The following MGAT4C variants were observed in gnomAD, a reference collection of about 807,000 sequenced individuals.
The protein encoded by MGAT4C is MGAT4 family member C, also known as alpha-1,3-mannosyl-glycoprotein 4-beta-N-acetylglucosaminyltransferase C.
MGAT4C carries 19 observed loss-of-function variants against 40.1 expected under a neutral mutation model. The ratio of observed to expected loss-of-function variants is 0.47; its 90% CI spans 0.33 to 0.70. MGAT4C has a LOEUF of 0.70. Among genes scored for constraint, MGAT4C ranks in the 30% least tolerant of loss-of-function variants. MGAT4C has a pLI of 0.02. For missense variants in MGAT4C, 491 were observed against 563.2 expected (o/e 0.87, Z 1.30); for synonymous variants, 181 against 187.1 (o/e 0.97, Z 0.27).
At chr12:86,015,643 A>T (rs1301421891) in intron 2 of MGAT4C, 1 of 152,212 alleles carries the variant, frequency 6.6e-6, no homozygotes, top group African/African-American at 2.4e-5. Flanking sequence ...AGAAATAGAA[A>T]TCCTTAGCAG....
chr12:86,212,374 G>A (rs1012313855), intron 1 of MGAT4C, among the ~76,000 whole-genome samples: 4 of 152,064 alleles, frequency 2.6e-5, no homozygotes, highest in Non-Finnish European at 4.4e-5. Context: ...TTTAAAATAA[G>A]TATAGTAATT....
At chr12:86,280,691 T>G (rs1953196058) in intron 4 of MGAT4C, among the ~76,000 whole-genome samples, 1 of 142,046 alleles carries the variant, frequency 7.0e-6, no homozygotes, top group South Asian at 2.3e-4. Context: ...CATTTTGAAT[T>G]TCTATCCTTT....
rs1955025814 is a variant in MGAT4C at position 86,346,063 on chromosome 12, T to C, written c.-119-11936A>G. On this transcript the variant is annotated intron_variant, in intron 3 of 7. Coordinates refer to the MGAT4C transcript ENST00000548651. ...AATAGCAAAAAGGGATTTTAGTGGT[T>C]AATTTTACTTCCAAATTTCAACCAA... Among the ~76,000 whole-genome samples, 5 of 152,292 alleles carry C rather than the reference T, an allele frequency of 3.3e-5. No homozygotes were observed. In the South Asian group the frequency reaches 1.0e-3, roughly 32 times the overall value.
intron 4 of MGAT4C, among the ~76,000 whole-genome samples, chr12:86,272,463 A>G (rs544685583): frequency 2.0e-4 from 30 of 152,316 alleles, no homozygotes; most frequent in African/African-American, 7.0e-4. Flanking sequence ...TAAGATTTGT[A>G]TTATTTTAAA....
At chr12:86,579,766 G>A (rs1372628086) in intron 2 of MGAT4C, among the ~76,000 whole-genome samples, 1 of 151,488 alleles carries the variant, frequency 6.6e-6, no homozygotes, top group Admixed American at 6.6e-5. Context: ...AGGTTTGTTT[G>A]TCTGGGGAAG....
At chr12:86,544,749 A>ATAGGAT (rs1204915399) in intron 2 of MGAT4C, among the ~76,000 whole-genome samples, 1 of 152,134 alleles carries the variant, frequency 6.6e-6, no homozygotes, top group African/African-American at 2.4e-5. Context: ...AAGACATAGC[A>ATAGGAT]TAGGATTAAA....
intron 4 of MGAT4C, among the ~76,000 whole-genome samples, chr12:86,303,440 G>A (rs1953861112): frequency 1.3e-5 from 2 of 150,206 alleles, no homozygotes; most frequent in South Asian, 4.1e-4. Flanking sequence ...TCTTATAGTA[G>A]AGTTCCATTC....
chr12:86,344,752 G>A (rs866966256), intron 3 of MGAT4C, among the ~76,000 whole-genome samples: 87 of 120,874 alleles, frequency 7.2e-4, no homozygotes, highest in Middle Eastern at 5.3e-3. Flanking sequence ...GTGTGTGTGT[G>A]TGTATGTGTG....
At chr12:86,353,989 CAAG>C (rs1426292947) in intron 3 of MGAT4C, among the ~76,000 whole-genome samples, 1 of 152,106 alleles carries the variant, frequency 6.6e-6, no homozygotes, top group East Asian at 1.9e-4. Context: ...AAAATCTGTA[CAAG>C]GAGTATACGG....
intron 1 of MGAT4C, among the ~76,000 whole-genome samples, chr12:86,812,839 C>T (rs1408028774): frequency 6.6e-6 from 1 of 151,976 alleles, no homozygotes; most frequent in African/African-American, 2.4e-5. Flanking sequence ...AAATATCAGG[C>T]CTAAATGGGA....
chr12:86,809,378 GTTTT>G (rs1240922694), intron 1 of MGAT4C, among the ~76,000 whole-genome samples: 1 of 151,902 alleles, frequency 6.6e-6, no homozygotes, highest in Non-Finnish European at 1.5e-5. Context: ...TTTTGTTCAA[GTTTT>G]TTTGAGAAGA....
intron 2 of MGAT4C, among the ~76,000 whole-genome samples, chr12:86,704,844 C>T (rs947569339): frequency 6.6e-6 from 1 of 152,166 alleles, no homozygotes; most frequent in Non-Finnish European, 1.5e-5. Flanking sequence ...AAGATACACA[C>T]ACCTGCAATG....
chr12:86,163,083 A>C (rs1885778335), intron 1 of MGAT4C, among the ~76,000 whole-genome samples: 2 of 152,180 alleles, frequency 1.3e-5, no homozygotes, highest in Non-Finnish European at 2.9e-5. Context: ...TACTCTGCAG[A>C]GCCTTCTGTG....
chr12:86,383,549 C>CAAAA (rs1159593477), intron 3 of MGAT4C, among the ~76,000 whole-genome samples: 7 of 49,834 alleles, frequency 1.4e-4, no homozygotes, highest in East Asian at 8.9e-4. Context: ...CACTTCGTCT[C>CAAAA]AAAAAAAAAA....
intron 1 of MGAT4C, among the ~76,000 whole-genome samples, chr12:86,159,807 T>C (rs1885393328): frequency 6.6e-6 from 1 of 152,068 alleles, no homozygotes; most frequent in African/African-American, 2.4e-5. Flanking sequence ...ATATTCTAAT[T>C]TATGTGCATA....
At chr12:86,404,018 CTG>C (rs1319795446) in intron 3 of MGAT4C, among the ~76,000 whole-genome samples, 1 of 151,938 alleles carries the variant, frequency 6.6e-6, no homozygotes, top group African/African-American at 2.4e-5. Flanking sequence ...ATAATGAAGA[CTG>C]TACATTAAAA....
intron 1 of MGAT4C, among the ~76,000 whole-genome samples, chr12:86,054,962 C>A (rs1425414133): frequency 5.3e-5 from 8 of 151,952 alleles, no homozygotes; most frequent in Non-Finnish European, 7.4e-5. Context: ...TTTTCTTCAG[C>A]AAACTTATTT....
Position 86,020,888 on chromosome 12 carries a change from C to G in MGAT4C, c.-7+28786G>C, listed in dbSNP as rs542147376. Among the ~76,000 whole-genome samples, 355 of 152,114 alleles carry G rather than the reference C, an allele frequency of 2.3e-3. 3 individuals carry two copies. The highest frequency in any genetic ancestry group is 3.9e-3 in the Non-Finnish European group (266 of 67,980). Reference sequence around the variant, plus strand: ...TCTACAATGAACTCAAACAAATTCACAAGAAAAAAACAAACAACCCCATCA... The same window carrying G: ...TCTACAATGAACTCAAACAAATTCAGAAGAAAAAAACAAACAACCCCATCA... On this transcript the variant is annotated intron_variant, in intron 2 of 4. Coordinates refer to ENST00000611864, the MANE Select transcript of MGAT4C (RefSeq NM_001351288.2).
At chr12:86,107,022 G>A (rs1876307583) in intron 1 of MGAT4C, among the ~76,000 whole-genome samples, 2 of 152,068 alleles carry the variant, frequency 1.3e-5, no homozygotes, top group African/African-American at 4.8e-5. Flanking sequence ...GGTCTACTAA[G>A]CCCTCAAGAT....
Sources: allele counts gnomAD v4.1 joint callset (sites outside exome capture counted in the v4.1 genomes callset), GRCh38; gene constraint gnomAD v4.1.1; transcripts MANE v1.5; gene names NCBI Gene and HGNC (gene_info 2026-07-23, HGNC 2026-07-21).